The following AGBL4 variants were observed in gnomAD, a reference collection of about 807,000 sequenced individuals.
The protein encoded by AGBL4 is cytosolic carboxypeptidase 6.
Under a neutral mutation model 66.4 loss-of-function variants are expected in AGBL4, and 58 were observed. That is an observed-to-expected ratio of 0.87 (90% CI 0.71 to 1.09). The LOEUF is 1.09. Among genes scored for constraint, AGBL4 ranks in the 50% least tolerant of loss-of-function variants. The pLI is 0.00. For synonymous variants in AGBL4, 234 were observed against 222.9 expected, an observed-to-expected ratio of 1.05 and a Z score of -0.44; for missense variants, 579 against 631.0, an observed-to-expected ratio of 0.92 and a Z score of 0.88.
At position 49,611,851 on chromosome 1, in the gene AGBL4, G is replaced by A. The variant is rs372964640; in HGVS notation, c.282+85462C>T. Among the ~76,000 whole-genome samples the A allele has an allele frequency of 1.2e-4, 18 of 152,230 alleles. No homozygotes were observed. In the East Asian group the frequency reaches 1.4e-3, roughly 11 times the overall value. On this transcript the variant is annotated intron_variant, in intron 3 of 13. Transcript: ENST00000371839. ...AAGCCTAGAATTTGACCTTGTTATT[G>A]TCCTAATTTCTCAGGAAATATTTTT... is the stretch of plus-strand genomic sequence containing the variant.
chr1:49,737,037 G>T (rs1195951058), intron 2 of AGBL4, among the ~76,000 whole-genome samples: 1 of 151,970 alleles, frequency 6.6e-6, no homozygotes, highest in Non-Finnish European at 1.5e-5. Flanking sequence ...AAAACATGAT[G>T]GCAAAGCAAA....
intron 3 of AGBL4, among the ~76,000 whole-genome samples, chr1:49,352,388 T>TTC (rs1643928920): frequency 2.0e-5 from 3 of 150,104 alleles, no homozygotes; most frequent in Non-Finnish European, 4.4e-5. Context: ...TTTTTTTTTT[T>TTC]TGTGGAAAGG....
intron 1 of AGBL4, among the ~76,000 whole-genome samples, chr1:49,999,334 CAAAA>C (rs58760048): frequency 1.5e-5 from 2 of 134,470 alleles, no homozygotes; most frequent in Non-Finnish European, 3.2e-5. Context: ...ACTACCACTG[CAAAA>C]AAAAAAAAAA....
intron 1 of AGBL4, among the ~76,000 whole-genome samples, chr1:49,933,239 T>G (rs1653550583): frequency 6.6e-6 from 1 of 152,096 alleles, no homozygotes; most frequent in Admixed American, 6.5e-5. Context: ...GGAGAAATAT[T>G]GCACATCAGA....
chr1:49,787,973 C>A (rs1167226924), intron 2 of AGBL4, among the ~76,000 whole-genome samples: 1 of 151,938 alleles, frequency 6.6e-6, no homozygotes, highest in Non-Finnish European at 1.5e-5. Flanking sequence ...ACTATCTAAA[C>A]AAGCAAGTAC....
At chr1:49,253,637 T>C (rs980516521) in intron 3 of AGBL4, among the ~76,000 whole-genome samples, 4 of 151,854 alleles carry the variant, frequency 2.6e-5, no homozygotes, top group African/African-American at 9.7e-5. Context: ...TTCCAAAAAA[T>C]TGAGGAGGAA....
intron 3 of AGBL4, among the ~76,000 whole-genome samples, chr1:49,312,339 TC>T (rs1377444548): frequency 1.1e-4 from 17 of 151,884 alleles, no homozygotes. Context: ...AAAGACAGAG[TC>T]CTTATCAGAC....
chr1:49,816,888 G>A (rs1645245967), intron 2 of AGBL4, among the ~76,000 whole-genome samples: 1 of 152,184 alleles, frequency 6.6e-6, no homozygotes, highest in Non-Finnish European at 1.5e-5. Context: ...ACTGCTGGAA[G>A]CCAGGATGAG....
At chr1:49,103,493 C>T (rs572580835) in intron 4 of AGBL4, among the ~76,000 whole-genome samples, 1 of 152,334 alleles carries the variant, frequency 6.6e-6, no homozygotes, top group East Asian at 1.9e-4. Context: ...GAAGGGGAAA[C>T]TGCAGCCCCA....
chr1:49,523,164 G>A (rs778876916), intron 3 of AGBL4, among the ~76,000 whole-genome samples: 3 of 152,006 alleles, frequency 2.0e-5, no homozygotes, highest in South Asian at 2.1e-4. Context: ...ATTTTCATAC[G>A]AATCAATGAC....
chr1:49,067,571 T>G (rs1246609577), intron 4 of AGBL4, among the ~76,000 whole-genome samples: 1 of 152,178 alleles, frequency 6.6e-6, no homozygotes, highest in African/African-American at 2.4e-5. Context: ...CTTTCAGATC[T>G]CATCTCAGAT....
intron 5 of AGBL4, among the ~76,000 whole-genome samples, chr1:48,903,770 G>A (rs1303311048): frequency 6.6e-6 from 1 of 152,060 alleles, no homozygotes; most frequent in African/African-American, 2.4e-5. Flanking sequence ...CTCCAAATGT[G>A]TCACCAAACA....
chr1:48,529,156 C>T (rs1401616643), downstream of AGBL4, among the ~76,000 whole-genome samples: 1 of 151,952 alleles, frequency 6.6e-6, no homozygotes, highest in Non-Finnish European at 1.5e-5. Context: ...AAACCTAGGT[C>T]CCTGGCTTGA....
At chr1:49,045,890 A>G (rs1447878905) in intron 4 of AGBL4, 90 bp from the exon 5 acceptor site, 20 of 1,089,418 alleles carry the variant, frequency 1.8e-5, no homozygotes, top group Non-Finnish European at 2.5e-5. Context: ...CTGGAGAAAA[A>G]CTGTAACATC....
At chr1:49,401,352 T>A (rs541532675) in intron 3 of AGBL4, among the ~76,000 whole-genome samples, 7 of 152,246 alleles carry the variant, frequency 4.6e-5, no homozygotes, top group Non-Finnish European at 7.4e-5. Context: ...CCTTAACACA[T>A]GGGGATTATC....
intron 2 of AGBL4, chr1:49,841,951 TC>T: frequency 1.7e-6 from 1 of 574,670 alleles, no homozygotes; most frequent in South Asian, 1.8e-5. Flanking sequence ...GAGCGTGTCC[TC>T]CACCTCGTAC....
chr1:48,742,917 G>A (rs1208118475), intron 6 of AGBL4: 8 of 703,738 alleles, frequency 1.1e-5, no homozygotes, highest in South Asian at 3.2e-5. Context: ...ACCCAGACTC[G>A]AAAATAATGT....
At chr1:49,815,915 A>G (rs932657688) in intron 2 of AGBL4, among the ~76,000 whole-genome samples, 5 of 151,878 alleles carry the variant, frequency 3.3e-5, no homozygotes, top group Non-Finnish European at 7.4e-5. Flanking sequence ...TTTCAGTGGG[A>G]GGTCTTACTC....
At position 49,508,170 on chromosome 1, in the gene AGBL4, T is replaced by G. The variant is rs944247333; in HGVS notation, c.282+189143A>C. Among the ~76,000 whole-genome samples the G allele has an allele frequency of 2.0e-5, 3 of 152,068 alleles. No homozygotes were observed. The South Asian group carries it at 6.2e-4, about 32-fold the overall frequency. Reference sequence around the variant, plus strand: ...TAATTATTAACTAACAAATAGACTGTAAAGTTAAGTTAGAGCATCAGAACC... The same window carrying G: ...TAATTATTAACTAACAAATAGACTGGAAAGTTAAGTTAGAGCATCAGAACC... On this transcript the variant is annotated intron_variant, in intron 3 of 13. Coordinates refer to ENST00000371839, the MANE Select transcript of AGBL4 (RefSeq NM_032785.4).
Sources: gnomAD v4.1 joint callset for allele counts (sites outside exome capture counted in the v4.1 genomes callset) on GRCh38, gnomAD v4.1.1 for gene constraint, MANE v1.5 for transcripts, NCBI Gene and HGNC (gene_info 2026-07-23, HGNC 2026-07-21) for gene names.